The following XKR4 variants were observed in gnomAD, a reference collection of about 807,000 sequenced individuals.
The protein encoded by XKR4 is XK related 4, also known as XK-related protein 4.
XKR4 carries 12 observed loss-of-function variants against 53.9 expected under a neutral mutation model. The ratio of observed to expected loss-of-function variants is 0.22; its 90% CI spans 0.14 to 0.36. XKR4 has a LOEUF of 0.36. XKR4 is among the 10% of genes least tolerant of loss of function. The pLI is 1.00. For synonymous variants in XKR4, 354 were observed against 362.4 expected, an observed-to-expected ratio of 0.98 and a Z score of 0.26; for missense variants, 799 against 859.5, an observed-to-expected ratio of 0.93 and a Z score of 0.88.
chr8:55,142,052 C>A, intron 1 of XKR4: 1 of 455,568 alleles, frequency 2.2e-6, no homozygotes, highest in East Asian at 7.0e-5. Context: ...CCTGCCACCC[C>A]CAACAGCCTT....
intron 1 of XKR4, among the ~76,000 whole-genome samples, chr8:55,138,641 T>G (rs572100056): frequency 6.6e-6 from 1 of 152,316 alleles, no homozygotes; most frequent in Non-Finnish European, 1.5e-5. Context: ...TTTGTGTTTC[T>G]TTTTATGAAA....
intron 1 of XKR4, among the ~76,000 whole-genome samples, chr8:55,174,756 C>A (rs1476759447): frequency 2.0e-5 from 3 of 152,278 alleles, no homozygotes; most frequent in East Asian, 3.9e-4. Context: ...GATAATCCTG[C>A]ACCACTTAGA....
At chr8:55,444,909 T>C (rs1805322991) in intron 2 of XKR4, among the ~76,000 whole-genome samples, 1 of 152,180 alleles carries the variant, frequency 6.6e-6, no homozygotes, top group Non-Finnish European at 1.5e-5. Flanking sequence ...TTATCTATAA[T>C]TATGTATGGC....
intron 1 of XKR4, among the ~76,000 whole-genome samples, chr8:55,234,521 A>C (rs1251424342): frequency 6.6e-6 from 1 of 152,216 alleles, no homozygotes; most frequent in African/African-American, 2.4e-5. Context: ...TAAATGTCTC[A>C]TACTGAAATC....
chr8:55,284,344 C>T (rs917457777), intron 1 of XKR4, among the ~76,000 whole-genome samples: 3 of 152,008 alleles, frequency 2.0e-5, no homozygotes, highest in South Asian at 2.1e-4. Flanking sequence ...TCCATGGGCC[C>T]GAAATTCAGG....
At chr8:55,196,565 A>G (rs1421219163) in intron 1 of XKR4, among the ~76,000 whole-genome samples, 1 of 152,194 alleles carries the variant, frequency 6.6e-6, no homozygotes, top group Non-Finnish European at 1.5e-5. Flanking sequence ...TTATTATCTA[A>G]CAAACTAAGA....
At chr8:55,226,291 A>G (rs186187272) in intron 1 of XKR4, among the ~76,000 whole-genome samples, 7 of 152,368 alleles carry the variant, frequency 4.6e-5, no homozygotes, top group East Asian at 1.9e-4. Context: ...TCTCAGGTCT[A>G]TAAGAATTGT....
chr8:55,339,299 C>A (rs1282191231), intron 1 of XKR4, among the ~76,000 whole-genome samples: 1 of 152,176 alleles, frequency 6.6e-6, no homozygotes, highest in African/African-American at 2.4e-5. Flanking sequence ...ATCTAACCCC[C>A]CTACAGTGAA....
intron 1 of XKR4, among the ~76,000 whole-genome samples, chr8:55,197,548 T>TC (rs1318155435): frequency 6.6e-6 from 1 of 151,326 alleles, no homozygotes; most frequent in Non-Finnish European, 1.5e-5. Context: ...CAGCTAAATT[T>TC]TTTTTTTTTT....
chr8:55,299,670 G>A (rs1037836785), intron 1 of XKR4, among the ~76,000 whole-genome samples: 3 of 152,116 alleles, frequency 2.0e-5, no homozygotes, highest in Non-Finnish European at 4.4e-5. Context: ...AAAATAGAAC[G>A]ACTTGGTGAC....
intron 1 of XKR4, among the ~76,000 whole-genome samples, chr8:55,162,942 C>T (rs1817006379): frequency 6.6e-6 from 1 of 152,016 alleles, no homozygotes; most frequent in Non-Finnish European, 1.5e-5. Flanking sequence ...ATATAATAGC[C>T]TAAAGTGTTA....
At chr8:55,464,209 T>C (rs537994088) in intron 2 of XKR4, among the ~76,000 whole-genome samples, 1 of 152,280 alleles carries the variant, frequency 6.6e-6, no homozygotes, top group African/African-American at 2.4e-5. Context: ...TTGATGAACA[T>C]TGATGCAAAA....
intron 1 of XKR4, among the ~76,000 whole-genome samples, chr8:55,239,610 A>G (rs964867277): frequency 1.3e-5 from 2 of 152,124 alleles, no homozygotes; most frequent in African/African-American, 2.4e-5. Context: ...GCCTTTCTAT[A>G]TAGACATTCT....
chr8:55,534,476 C>G lies in XKR4; in HGVS notation c.*10249C>G, dbSNP rs1165118986. 7.1e-6 allele frequency: 1 copy of G among 141,258 alleles called. No homozygotes were observed. The highest frequency in any genetic ancestry group is 1.5e-5 in the Non-Finnish European group (1 of 66,460). 8.8% of individuals were successfully genotyped at this position (141,258 alleles called of 1,614,324 possible). ...GCAAGCTCTGCCTCCCAGGTTCACACCATCCTTCTGCCTCAGCCTTCTGAG... is the reference window on the plus strand; with the variant it reads ...GCAAGCTCTGCCTCCCAGGTTCACAGCATCCTTCTGCCTCAGCCTTCTGAG... On this transcript the variant is annotated 3_prime_UTR_variant, in exon 3 of 3. Coordinates refer to ENST00000327381, the MANE Select transcript of XKR4 (RefSeq NM_052898.2).
intron 1 of XKR4, among the ~76,000 whole-genome samples, chr8:55,222,020 G>A (rs1194774808): frequency 2.0e-5 from 3 of 152,090 alleles, no homozygotes; most frequent in African/African-American, 7.2e-5. Flanking sequence ...TGAGTCCATG[G>A]GCCCTGCATA....
chr8:55,214,152 C>T (rs756117681), intron 1 of XKR4, among the ~76,000 whole-genome samples: 24 of 152,036 alleles, frequency 1.6e-4, no homozygotes, highest in South Asian at 1.5e-3. Context: ...CATGAGCCAC[C>T]GCACCCAGCT....
At chr8:55,353,323 T>C (rs765555301) in intron 1 of XKR4, among the ~76,000 whole-genome samples, 12 of 152,138 alleles carry the variant, frequency 7.9e-5, no homozygotes, top group Non-Finnish European at 1.2e-4. Context: ...TGTGTAGTTA[T>C]ATAAAGAAGA....
intron 2 of XKR4, among the ~76,000 whole-genome samples, chr8:55,522,498 T>G (rs936213644): frequency 6.6e-6 from 1 of 152,218 alleles, no homozygotes; most frequent in African/African-American, 2.4e-5. Context: ...TTTTTAAGAA[T>G]GCATAAACTG....
chr8:55,384,560 C>A (rs1804282941), intron 2 of XKR4, among the ~76,000 whole-genome samples: 1 of 152,132 alleles, frequency 6.6e-6, no homozygotes, highest in African/African-American at 2.4e-5. Flanking sequence ...CAAGCAAGGA[C>A]TCTCCTTTTT....
Sources: gnomAD v4.1 joint callset for allele counts (sites outside exome capture counted in the v4.1 genomes callset) on GRCh38, gnomAD v4.1.1 for gene constraint, MANE v1.5 for transcripts, NCBI Gene and HGNC (gene_info 2026-07-23, HGNC 2026-07-21) for gene names.